The following KPNA3 variants were observed in gnomAD, a reference collection of about 807,000 sequenced individuals.
KPNA3 encodes importin subunit alpha-4.
A neutral mutation model predicts 73.8 loss-of-function variants in KPNA3; 13 were observed. The ratio of observed to expected loss-of-function variants is 0.18; its 90% CI spans 0.11 to 0.28. The LOEUF is 0.28. Among genes scored for constraint, KPNA3 ranks in the 10% least tolerant of loss-of-function variants. KPNA3 has a pLI of 1.00. For synonymous variants in KPNA3, 186 were observed against 206.9 expected, an observed-to-expected ratio of 0.90 and a Z score of 0.87; for missense variants, 360 against 618.1, an observed-to-expected ratio of 0.58 and a Z score of 4.43.
chr13:49,791,424 C>T (rs1253153796), intron 1 of KPNA3, among the ~76,000 whole-genome samples: 1 of 152,166 alleles, frequency 6.6e-6, no homozygotes, highest in East Asian at 1.9e-4. Context: ...ACCTCTAGCG[C>T]TGCCTCAATA....
rs1278538848 is a variant in KPNA3, at chr13:49,722,540, G to T, written c.493C>A (p.Leu165Ile). The T allele has an allele frequency of 1.2e-6, 2 of 1,610,050 alleles. No individual in the cohort carries two copies. Among genetic ancestry groups the T allele is most frequent in the Non-Finnish European group, 1.7e-6 (2 of 1,177,732 alleles). Residue 165 changes from leucine (L) to isoleucine (I), a missense_variant, in exon 8 of 17, where the codon CTT becomes ATT. Around this residue, in one of 3 missense-constraint regions of KPNA3, gnomAD observed 287 missense variants for 549.1 expected, o/e 0.52. Coordinates refer to ENST00000261667, the MANE Select transcript of KPNA3 (RefSeq NM_002267.4). ...QSNAVPLFLR[L>I]LRSPHQNVCE... is the part of the protein sequence containing the mutation. ...ACATTCTGATGTGGTGAACGAAGAAGTCTCAGAAAAAGAGGTACTGCATCT... is the reference window on the plus strand; with the variant it reads ...ACATTCTGATGTGGTGAACGAAGAATTCTCAGAAAAAGAGGTACTGCATCT...
chr13:49,791,565 A>G (rs1955033072), intron 1 of KPNA3, among the ~76,000 whole-genome samples: 1 of 152,238 alleles, frequency 6.6e-6, no homozygotes, highest in Non-Finnish European at 1.5e-5. Context: ...ACTAGCTTGG[A>G]GCAAGAGGTA....
chr13:49,721,095 T>C (rs1594435110), intron 9 of KPNA3, among the ~76,000 whole-genome samples: 1 of 152,178 alleles, frequency 6.6e-6, no homozygotes, highest in Non-Finnish European at 1.5e-5. Context: ...GGCGCTGGCC[T>C]GTAATCCCAG....
At chr13:49,731,519 CA>C (rs1344951411) in intron 6 of KPNA3, among the ~76,000 whole-genome samples, 1 of 152,070 alleles carries the variant, frequency 6.6e-6, no homozygotes, top group Non-Finnish European at 1.5e-5. Flanking sequence ...GGTTGTGGCA[CA>C]CAACGAAAGC....
intron 2 of KPNA3, among the ~76,000 whole-genome samples, chr13:49,739,137 T>C (rs74795302): frequency 0.058 from 8,851 of 152,302 alleles, 362 homozygotes; most frequent in Middle Eastern, 0.095. Flanking sequence ...CTGGATCTTA[T>C]CAAGCAAGTG....
At chr13:49,713,348 G>C (rs995727363) in intron 10 of KPNA3, among the ~76,000 whole-genome samples, 13 of 140,504 alleles carry the variant, frequency 9.3e-5, no homozygotes, top group Non-Finnish European at 2.0e-4. Context: ...ACTAATAATA[G>C]GAGGTTTTAA....
At chr13:49,777,481 C>T (rs1225821340) in intron 1 of KPNA3, among the ~76,000 whole-genome samples, 1 of 151,994 alleles carries the variant, frequency 6.6e-6, no homozygotes, top group Non-Finnish European at 1.5e-5. Context: ...TATATAAATG[C>T]CACATAAACA....
intron 3 of KPNA3, 85 bp from the exon 4 acceptor site, chr13:49,732,861 C>T: frequency 7.7e-7 from 1 of 1,305,576 alleles, no homozygotes. Context: ...AATATACTTT[C>T]ATTATCATTA....
intron 1 of KPNA3, among the ~76,000 whole-genome samples, chr13:49,762,809 TC>T (rs1165186344): frequency 6.6e-6 from 1 of 151,414 alleles, no homozygotes; most frequent in Non-Finnish European, 1.5e-5. Context: ...TCCACTATTG[TC>T]CTATGACCCT....
chr13:49,752,720 A>C (rs1447889987), intron 1 of KPNA3, among the ~76,000 whole-genome samples: 1 of 152,186 alleles, frequency 6.6e-6, no homozygotes, highest in East Asian at 1.9e-4. Context: ...AACTGTAATC[A>C]GAAATGAAGG....
At position 49,768,302 on chromosome 13, in the gene KPNA3, C is replaced by T. The variant is rs192086275; in HGVS notation, c.70-21309G>A. 1.1e-3 allele frequency among the ~76,000 whole-genome samples: 170 copies of T among 147,880 alleles called. 1 individual carries two copies. Among genetic ancestry groups the T allele is most frequent in the African/African-American group, 4.1e-3 (163 of 40,204 alleles). On this transcript the variant is annotated intron_variant, in intron 1 of 16. Coordinates refer to ENST00000261667, the MANE Select transcript of KPNA3 (RefSeq NM_002267.4). The stretch of plus-strand genomic sequence containing the variant: ...TCAAAAAAAAAAAAAAAAAAAGCTG[C>T]TACATAGAAGCCAATATGCACTGTA...
chr13:49,706,187 G>C lies in KPNA3; in HGVS notation c.1138-18C>G. ...AAGTCCCCCTGAAGGTTAAAAATGAGATCATAAAATGGACTCTTTATCCAA... is the reference window on the plus strand; with the variant it reads ...AAGTCCCCCTGAAGGTTAAAAATGACATCATAAAATGGACTCTTTATCCAA... On this transcript the variant is annotated intron_variant, in intron 13 of 16. Transcript: ENST00000261667. 1.2e-6 allele frequency: 2 copies of C among 1,612,952 alleles called. No homozygotes were observed. Among genetic ancestry groups the C allele is most frequent in the Non-Finnish European group, 1.7e-6 (2 of 1,179,574 alleles).
intron 1 of KPNA3, among the ~76,000 whole-genome samples, chr13:49,783,884 T>A (rs777222484): frequency 6.6e-6 from 1 of 152,216 alleles, no homozygotes; most frequent in Non-Finnish European, 1.5e-5. Context: ...TATTCTAAGG[T>A]ACACACTACC....
chr13:49,783,836 T>G (rs1204741647), intron 1 of KPNA3, among the ~76,000 whole-genome samples: 1 of 152,212 alleles, frequency 6.6e-6, no homozygotes, highest in African/African-American at 2.4e-5. Context: ...CTTTATCACC[T>G]GAACCCTACG....
intron 10 of KPNA3, among the ~76,000 whole-genome samples, chr13:49,715,459 T>G (rs778828329): frequency 1.3e-5 from 2 of 152,162 alleles, no homozygotes; most frequent in African/African-American, 4.8e-5. Flanking sequence ...TGAGATACTG[T>G]TTCTCACCTA....
intron 6 of KPNA3, 143 bp from the exon 7 acceptor site, chr13:49,725,644 T>G: frequency 1.3e-5 from 6 of 460,934 alleles, no homozygotes; most frequent in Non-Finnish European, 1.5e-5. Context: ...TAGCCAACCC[T>G]ACTTTTTTTT....
chr13:49,786,668 A>G (rs1369252618), intron 1 of KPNA3, among the ~76,000 whole-genome samples: 1 of 152,198 alleles, frequency 6.6e-6, no homozygotes, highest in Non-Finnish European at 1.5e-5. Context: ...GGCATGAAGA[A>G]GAAACTACTG....
intron 2 of KPNA3, among the ~76,000 whole-genome samples, chr13:49,746,014 G>T (rs1954613480): frequency 7.5e-6 from 1 of 132,770 alleles, no homozygotes; most frequent in African/African-American, 2.8e-5. Context: ...AGTGAGTCGA[G>T]ATCACAGTAC....
chr13:49,731,664 C>CA (rs553986574), intron 6 of KPNA3, among the ~76,000 whole-genome samples: 129 of 149,002 alleles, frequency 8.7e-4, no homozygotes, highest in East Asian at 1.6e-3. Context: ...CTCTTAAATG[C>CA]AAAAAAAAAG....
Sources: allele counts gnomAD v4.1 joint callset (sites outside exome capture counted in the v4.1 genomes callset), GRCh38; gene constraint gnomAD v4.1.1; regional missense constraint gnomAD v4.1.1; transcripts MANE v1.5; gene names NCBI Gene and HGNC (gene_info 2026-07-23, HGNC 2026-07-21).